Variants in GTF2F2 observed in about 807,000 individuals in gnomAD.
GTF2F2 encodes general transcription factor IIF subunit 2, also known as ATP-dependent helicase GTF2F2.
A neutral mutation model predicts 42.2 loss-of-function variants in GTF2F2; 23 were observed. The ratio of observed to expected loss-of-function variants is 0.55; its 90% CI spans 0.39 to 0.77. The LOEUF (loss-of-function observed/expected upper bound fraction) is 0.77. GTF2F2 is among the 30% of genes least tolerant of loss of function. The pLI is 0.00. For synonymous variants in GTF2F2, 105 were observed against 100.8 expected, an observed-to-expected ratio of 1.04 and a Z score of -0.25; for missense variants, 261 against 287.2, an observed-to-expected ratio of 0.91 and a Z score of 0.66.
At chr13:45,211,674 G>A (rs1249008472) in intron 5 of GTF2F2, among the ~76,000 whole-genome samples, 2 of 148,850 alleles carry the variant, frequency 1.3e-5, no homozygotes, top group African/African-American at 5.0e-5. Context: ...CGCAACCTCC[G>A]CCTCCTGGGT....
intron 2 of GTF2F2, among the ~76,000 whole-genome samples, chr13:45,138,088 T>C (rs1439385532): frequency 2.0e-5 from 3 of 152,156 alleles, no homozygotes; most frequent in Admixed American, 1.3e-4. Context: ...GACTTTTTTT[T>C]CCCCACTTTA....
intron 4 of GTF2F2, among the ~76,000 whole-genome samples, chr13:45,196,799 G>A (rs186621622): frequency 1.3e-3 from 194 of 152,308 alleles, no homozygotes; most frequent in African/African-American, 4.5e-3. Flanking sequence ...TGCTGTTGCT[G>A]TTGGAGGATA....
At chr13:45,236,276 C>T (rs1395697148) in intron 5 of GTF2F2, among the ~76,000 whole-genome samples, 1 of 152,030 alleles carries the variant, frequency 6.6e-6, no homozygotes, top group East Asian at 1.9e-4. Flanking sequence ...GGCAAGGAAC[C>T]AAAAGGCAGG....
At chr13:45,282,216 A>G (rs1347516240) in intron 7 of GTF2F2, among the ~76,000 whole-genome samples, 1 of 151,670 alleles carries the variant, frequency 6.6e-6, no homozygotes, top group Non-Finnish European at 1.5e-5. Flanking sequence ...TAATGATAAT[A>G]ATAATTAATA....
intron 6 of GTF2F2, 41 bp from the exon 7 acceptor site, chr13:45,267,192 G>A: frequency 1.3e-6 from 2 of 1,533,894 alleles, no homozygotes. Context: ...GAGTGAGCAT[G>A]TTGAATTGAT....
chr13:45,222,698 A>G (rs553624394), intron 5 of GTF2F2, among the ~76,000 whole-genome samples: 3 of 152,338 alleles, frequency 2.0e-5, no homozygotes, highest in African/African-American at 7.2e-5. Flanking sequence ...AACATCTATT[A>G]TATAACAGAC....
At chr13:45,158,868 T>G (rs1870895892) in intron 4 of GTF2F2, among the ~76,000 whole-genome samples, 2 of 152,248 alleles carry the variant, frequency 1.3e-5, no homozygotes, top group South Asian at 4.1e-4. Flanking sequence ...AGTAGTACTC[T>G]AATGGTACTT....
chr13:45,207,623 A>G (rs1873472226), intron 5 of GTF2F2, 118 bp downstream of exon 5: 8 of 633,378 alleles, frequency 1.3e-5, no homozygotes, highest in Non-Finnish European at 2.2e-5. Context: ...TGTTTGCTTC[A>G]AAAGCTGTTT....
chr13:45,129,583 T>C (rs757593361), intron 1 of GTF2F2, among the ~76,000 whole-genome samples: 4 of 152,242 alleles, frequency 2.6e-5, no homozygotes, highest in Non-Finnish European at 4.4e-5. Flanking sequence ...TAGTAAATTA[T>C]ATATCCTAGG....
At chr13:45,164,805 T>C (rs1292762774) in intron 4 of GTF2F2, among the ~76,000 whole-genome samples, 1 of 152,184 alleles carries the variant, frequency 6.6e-6, no homozygotes, top group African/African-American at 2.4e-5. Context: ...AAAAAGGCTA[T>C]ACAACAAAAA....
Position 45,137,683 on chromosome 13 carries a change from A to G in GTF2F2, c.140+877A>G, listed in dbSNP as rs191752984. On this transcript the variant is annotated intron_variant, in intron 2 of 7. Coordinates refer to ENST00000340473, the MANE Select transcript of GTF2F2 (RefSeq NM_004128.3). ...GAAAGAGTTCTAGTAGGAAAAGAGG[A>G]AGCCCCAGTGCACAAGCACTTTGAA... 4.3e-4 allele frequency among the ~76,000 whole-genome samples: 65 copies of G among 152,294 alleles called. No homozygotes were observed. The Middle Eastern group carries it at 0.01, about 24-fold the overall frequency.
chr13:45,132,371 A>G (rs1869404374), intron 1 of GTF2F2, among the ~76,000 whole-genome samples: 1 of 151,224 alleles, frequency 6.6e-6, no homozygotes, highest in Non-Finnish European at 1.5e-5. Context: ...CAGTTCCTCC[A>G]GGGTTGTTGG....
intron 4 of GTF2F2, among the ~76,000 whole-genome samples, chr13:45,205,957 C>T (rs1169798589): frequency 6.6e-6 from 1 of 152,172 alleles, no homozygotes; most frequent in Non-Finnish European, 1.5e-5. Flanking sequence ...GAACTTTCAG[C>T]TTCAGCAAGA....
Position 45,168,149 on chromosome 13 carries a change from G to A in GTF2F2, c.304+16318G>A, listed in dbSNP as rs573095075. 1.8e-4 allele frequency among the ~76,000 whole-genome samples: 28 copies of A among 152,360 alleles called. 1 individual carries two copies. The South Asian group carries it at 5.8e-3, about 32-fold the overall frequency. ...AACCCCTTTTCTGCTGCTTCTAGGT[G>A]AAGGCTGATGTGTCTTTACATTCAC... On this transcript the variant is annotated intron_variant, in intron 4 of 7. Transcript: ENST00000340473.
chr13:45,213,587 A>T (rs574931531), intron 5 of GTF2F2, among the ~76,000 whole-genome samples: 1 of 152,298 alleles, frequency 6.6e-6, no homozygotes, highest in Admixed American at 6.5e-5. Flanking sequence ...CCTCTACAAC[A>T]TTATAAACTT....
chr13:45,164,471 G>T (rs1285761765), intron 4 of GTF2F2, among the ~76,000 whole-genome samples: 2 of 152,180 alleles, frequency 1.3e-5, no homozygotes, highest in South Asian at 2.1e-4. Flanking sequence ...AGTGGCTCAT[G>T]CCTGTAACCC....
intron 4 of GTF2F2, among the ~76,000 whole-genome samples, chr13:45,154,532 T>G (rs188363007): frequency 1.7e-4 from 26 of 152,316 alleles, no homozygotes; most frequent in African/African-American, 5.1e-4. Flanking sequence ...ACAAATGCAG[T>G]TCTAAGTTGC....
At chr13:45,265,956 A>G (rs1377054006) in intron 6 of GTF2F2, among the ~76,000 whole-genome samples, 2 of 152,246 alleles carry the variant, frequency 1.3e-5, no homozygotes, top group African/African-American at 4.8e-5. Context: ...CTGATGGTTT[A>G]TACAAGTGAA....
At position 45,276,160 on chromosome 13, in the gene GTF2F2, A is replaced by G. The variant is rs144039714; in HGVS notation, c.631-7282A>G. Among the ~76,000 whole-genome samples the G allele has an allele frequency of 4.4e-3, 666 of 152,288 alleles. 19 individuals are homozygous for G. The highest frequency in any genetic ancestry group is 0.039 in the Admixed American group (596 of 15,298). ...AGATTTTTGATCTGCCATTAGTTGA[A>G]TCCATGGACTTGTAACGCAAGAATA... On this transcript the variant is annotated intron_variant, in intron 7 of 7. Coordinates refer to ENST00000340473, the MANE Select transcript of GTF2F2 (RefSeq NM_004128.3).
Sources: allele counts gnomAD v4.1 joint callset (sites outside exome capture counted in the v4.1 genomes callset), GRCh38; gene constraint gnomAD v4.1.1; transcripts MANE v1.5; gene names NCBI Gene and HGNC (gene_info 2026-07-23, HGNC 2026-07-21).